The following PCBP3 variants were observed in gnomAD, a reference collection of about 807,000 sequenced individuals.
PCBP3 encodes poly(rC) binding protein 3.
A neutral mutation model predicts 52.7 loss-of-function variants in PCBP3; 25 were observed. The observed-to-expected ratio is 0.47, with a 90% confidence interval of 0.35 to 0.66. The LOEUF (loss-of-function observed/expected upper bound fraction) is 0.66, where lower values mean the gene tolerates loss of function less well. PCBP3 is among the 30% of genes least tolerant of loss of function. PCBP3 has a pLI of 0.01. For synonymous variants in PCBP3, 162 were observed against 183.0 expected (o/e 0.89, Z 0.93); for missense variants, 391 against 490.3 (o/e 0.80, Z 1.91).
chr21:45,938,268 A>G (rs2077089065), intron 16 of PCBP3, among the ~76,000 whole-genome samples: 2 of 152,228 alleles, frequency 1.3e-5, no homozygotes, highest in Admixed American at 1.3e-4. Context: ...TCCAGCGCAG[A>G]AAGTGTTAGG....
chr21:45,645,236 GTATT>G (rs2146654091), intron 1 of PCBP3, among the ~76,000 whole-genome samples: 1 of 19,388 alleles, frequency 5.2e-5, no homozygotes, highest in South Asian at 4.5e-3. Flanking sequence ...CTTTCGAGCA[GTATT>G]TTTTTTTTTT....
chr21:45,693,587 C>T (rs908794741), intron 2 of PCBP3, among the ~76,000 whole-genome samples: 2 of 151,696 alleles, frequency 1.3e-5, no homozygotes, highest in African/African-American at 4.8e-5. Context: ...TTGATGAGAA[C>T]AAATATGATT....
chr21:45,745,395 TGG>T (rs985844121), intron 3 of PCBP3, among the ~76,000 whole-genome samples: 1 of 152,158 alleles, frequency 6.6e-6, no homozygotes, highest in Non-Finnish European at 1.5e-5. Context: ...CGTTCCTGGA[TGG>T]GAGGGCTGGG....
chr21:45,902,767 GT>G (rs2096094824), intron 9 of PCBP3, among the ~76,000 whole-genome samples: 1 of 152,258 alleles, frequency 6.6e-6, no homozygotes, highest in Admixed American at 6.5e-5. Context: ...CAGGTAACAT[GT>G]GCAGTGGCAC....
At chr21:45,937,479 G>T (rs1373952688) in intron 16 of PCBP3, among the ~76,000 whole-genome samples, 1 of 152,232 alleles carries the variant, frequency 6.6e-6, no homozygotes, top group Non-Finnish European at 1.5e-5. Flanking sequence ...CAGGCCTTCT[G>T]CTGGGGAAAG....
intron 2 of PCBP3, among the ~76,000 whole-genome samples, chr21:45,702,864 T>C (rs1973810297): frequency 6.6e-6 from 1 of 152,236 alleles, no homozygotes; most frequent in Admixed American, 6.5e-5. Flanking sequence ...GAGTCAGTCC[T>C]CTCAAACCCT....
chr21:45,792,850 C>T (rs924514302), intron 4 of PCBP3, among the ~76,000 whole-genome samples: 11 of 152,166 alleles, frequency 7.2e-5, no homozygotes, highest in African/African-American at 2.7e-4. Flanking sequence ...CTCAAACCCC[C>T]CGGCTTTGGG....
intron 2 of PCBP3, among the ~76,000 whole-genome samples, chr21:45,689,033 T>C (rs2082314083): frequency 6.6e-6 from 1 of 150,822 alleles, no homozygotes; most frequent in Admixed American, 6.6e-5. Flanking sequence ...TCCTACACAA[T>C]TTTTTTTTCA....
chr21:45,719,316 G>T (rs2084453082), intron 2 of PCBP3, among the ~76,000 whole-genome samples: 1 of 152,160 alleles, frequency 6.6e-6, no homozygotes, highest in Non-Finnish European at 1.5e-5. Flanking sequence ...GGAGGCTAGA[G>T]GGGCCATCAC....
intron 2 of PCBP3, among the ~76,000 whole-genome samples, chr21:45,726,736 A>G (rs904420354): frequency 2.6e-5 from 4 of 152,150 alleles, no homozygotes; most frequent in South Asian, 2.1e-4. Flanking sequence ...TGTGGCTCCC[A>G]TGGCTGGCCT....
At chr21:45,877,896 T>G (rs1335477548) in intron 5 of PCBP3, among the ~76,000 whole-genome samples, 1 of 151,890 alleles carries the variant, frequency 6.6e-6, no homozygotes, top group Non-Finnish European at 1.5e-5. Flanking sequence ...CTGCACAGAG[T>G]GCTGGAGCAG....
chr21:45,925,410 T>C (rs1235948883), intron 13 of PCBP3, among the ~76,000 whole-genome samples: 1 of 152,320 alleles, frequency 6.6e-6, no homozygotes, highest in Non-Finnish European at 1.5e-5. Context: ...AAAGAAACTC[T>C]GGAAAAGCAG....
At chr21:45,925,979 G>A (rs1266472401) in intron 13 of PCBP3, among the ~76,000 whole-genome samples, 7 of 152,188 alleles carry the variant, frequency 4.6e-5, no homozygotes, top group African/African-American at 1.7e-4. Flanking sequence ...CGTTACACCT[G>A]CCACAGCTGT....
chr21:45,672,971 T>C (rs941613175), intron 2 of PCBP3, among the ~76,000 whole-genome samples: 1 of 152,200 alleles, frequency 6.6e-6, no homozygotes, highest in Non-Finnish European at 1.5e-5. Context: ...TTCCTTTTTC[T>C]CTTCCCCCTG....
rs1365255135 is a variant in PCBP3, at chr21:45,704,280, A to G, written c.-199-31112A>G. On this transcript the variant is annotated intron_variant, in intron 2 of 17. Coordinates refer to ENST00000681687, the MANE Select transcript of PCBP3 (RefSeq NM_001384156.1). This position sits in a 1 kb window ranked among gnomAD's most constrained non-coding sequence, Gnocchi z 4.1. ...GTCAGTGGTGGCTGGGAGAAGGGCC[A>G]TCACTGCTGGGGTGGAGCAGAGCCC... 2.0e-5 allele frequency among the ~76,000 whole-genome samples: 3 copies of G among 152,174 alleles called. No homozygotes were observed. The highest frequency in any genetic ancestry group is 6.5e-5 in the Admixed American group (1 of 15,290).
intron 4 of PCBP3, among the ~76,000 whole-genome samples, chr21:45,801,096 C>T (rs2092283937): frequency 6.6e-6 from 1 of 152,258 alleles, no homozygotes; most frequent in African/African-American, 2.4e-5. Flanking sequence ...CTGTGACTTC[C>T]CCACTCACCC....
chr21:45,857,627 A>G (rs924960075), intron 5 of PCBP3, among the ~76,000 whole-genome samples: 2 of 152,030 alleles, frequency 1.3e-5, no homozygotes, highest in African/African-American at 4.8e-5. Flanking sequence ...ACCTCACTAT[A>G]TCTCCCTAAA....
At chr21:45,772,943 T>G (rs560665679) in intron 4 of PCBP3, among the ~76,000 whole-genome samples, 69 of 152,250 alleles carry the variant, frequency 4.5e-4, no homozygotes, top group African/African-American at 1.4e-3. Flanking sequence ...TTTTTTCCCT[T>G]TTGATTGAGT....
chr21:45,784,382 ACCTCTACCTCTACCGCTAC>A (rs1569217797), intron 4 of PCBP3, among the ~76,000 whole-genome samples: 4 of 116,740 alleles, frequency 3.4e-5, no homozygotes, highest in African/African-American at 5.8e-5. Flanking sequence ...CTCTACCTCT[ACCTCTACCTCTACCGCTAC>A]CTCTACCGCT....
Sources: allele counts gnomAD v4.1 joint callset (sites outside exome capture counted in the v4.1 genomes callset), GRCh38; gene constraint gnomAD v4.1.1; non-coding constraint Gnocchi (gnomAD v3.1); transcripts MANE v1.5; gene names NCBI Gene and HGNC (gene_info 2026-07-23, HGNC 2026-07-21).